GIP: variants seen among roughly 807,000 people sequenced by gnomAD.
GIP encodes glucose-dependent insulinotropic polypeptide.
In GIP, 16 loss-of-function variants were observed where a neutral mutation model predicts 18.1. That is an observed-to-expected ratio of 0.88 (90% confidence interval 0.60 to 1.34). The LOEUF (loss-of-function observed/expected upper bound fraction) is 1.34. Ranked by LOEUF, GIP falls within the 40% of genes most tolerant of loss-of-function variation. The pLI is 0.00. For synonymous variants in GIP, 76 were observed against 74.0 expected, an observed-to-expected ratio of 1.03 and a Z score of -0.14; for missense variants, 192 against 183.4, an observed-to-expected ratio of 1.05 and a Z score of -0.27.
At chr17:48,958,923 C>T (rs1448913656) in intron 5 of GIP, among the ~76,000 whole-genome samples, 3 of 149,976 alleles carry the variant, frequency 2.0e-5, no homozygotes, top group Non-Finnish European at 4.4e-5. Context: ...GGCGCGATCT[C>T]GGCTCACCGC....
intron 3 of GIP, among the ~76,000 whole-genome samples, 159 bp downstream of exon 3, chr17:48,964,151 C>G (rs1293516548): frequency 8.3e-6 from 1 of 120,868 alleles, no homozygotes; most frequent in Non-Finnish European, 1.7e-5. Flanking sequence ...AAGAGTGAGA[C>G]TCCATCTCAA....
At chr17:48,962,463 G>A (rs547151813) in intron 3 of GIP, among the ~76,000 whole-genome samples, 1 of 151,824 alleles carries the variant, frequency 6.6e-6, no homozygotes, top group South Asian at 2.1e-4. Context: ...CCGCCTCCAG[G>A]GTTCAAGCAA....
chr17:48,961,904 A>C, intron 3 of GIP, 85 bp from the exon 4 acceptor site: 1 of 915,132 alleles, frequency 1.1e-6, no homozygotes, highest in Non-Finnish European at 1.7e-6. Context: ...TGAACCCCAA[A>C]AGCAGAGGGT....
intron 3 of GIP, among the ~76,000 whole-genome samples, chr17:48,964,014 G>T (rs2041217364): frequency 6.7e-6 from 1 of 148,712 alleles, no homozygotes; most frequent in Non-Finnish European, 1.5e-5. Context: ...AAAAAAATTA[G>T]CCGGGCATGG....
In GIP at chr17:48,964,469, G is replaced by A. The variant is rs779990019; in HGVS notation, c.98C>T (p.Ser33Phe). The A allele has an allele frequency of 4.0e-5, 64 of 1,613,886 alleles. No individual in the cohort carries two copies. The highest frequency in any genetic ancestry group is 5.3e-5 in the Non-Finnish European group (62 of 1,179,922). ...CTTAGCATGAGATCCAACAGGCAGGGAGGGGAGAGCGCTGGAAACAAGGGT... is the reference window on the plus strand; with the variant it reads ...CTTAGCATGAGATCCAACAGGCAGGAAGGGGAGAGCGCTGGAAACAAGGGT... Reference protein sequence around the residue: ...KKEGHFSALPSLPVGSHAKVS... With the variant: ...KKEGHFSALPFLPVGSHAKVS... The change falls in exon 3 of 6, where the codon TCC (serine) becomes TTC (phenylalanine). Residue 33 changes from serine (S) to phenylalanine (F), a missense_variant. Transcript: ENST00000357424.
At chr17:48,964,159 CAAAAA>C (rs11380752) in intron 3 of GIP, 146 bp downstream of exon 3, 986 of 356,512 alleles carry the variant, frequency 2.8e-3, no homozygotes, top group South Asian at 4.6e-3. Context: ...GACTCCATCT[CAAAAA>C]AAAAAAAAAA....
chr17:48,958,826 T>A, intron 5 of GIP, 110 bp from the exon 6 acceptor site: 2 of 689,188 alleles, frequency 2.9e-6, no homozygotes, highest in Non-Finnish European at 4.9e-6. Flanking sequence ...TCAAATCACC[T>A]TTTTAAATAT....
At chr17:48,968,123 C>G (rs184893003) in intron 1 of GIP, among the ~76,000 whole-genome samples, 1 of 151,974 alleles carries the variant, frequency 6.6e-6, no homozygotes, top group Non-Finnish European at 1.5e-5. Context: ...GACAGGGTTT[C>G]GCTCTGTCAC....
intron 1 of GIP, 100 bp from the exon 2 acceptor site, chr17:48,967,353 CT>C: frequency 1.5e-6 from 1 of 663,552 alleles, no homozygotes. Context: ...CTTTCTTTTC[CT>C]TTTTCTTTTT....
At chr17:48,966,559 C>G (rs1021653703) in intron 2 of GIP, among the ~76,000 whole-genome samples, 7 of 150,500 alleles carry the variant, frequency 4.7e-5, no homozygotes, top group African/African-American at 9.8e-5. Flanking sequence ...TCCATCCCCC[C>G]CCAAAAAAAA....
chr17:48,962,124 C>T (rs1222969757), intron 3 of GIP, among the ~76,000 whole-genome samples: 4 of 152,150 alleles, frequency 2.6e-5, no homozygotes, highest in African/African-American at 4.8e-5. Flanking sequence ...GGCTGGAGTG[C>T]AGGGGCACCA....
intron 2 of GIP, among the ~76,000 whole-genome samples, chr17:48,966,826 A>C (rs923170256): frequency 5.3e-5 from 8 of 152,252 alleles, no homozygotes; most frequent in African/African-American, 1.9e-4. Flanking sequence ...AAAAGAAAAA[A>C]AGAAAAGAAA....
chr17:48,964,318 C>T lies in GIP; in HGVS notation c.249G>A (p.Lys83=). The T allele has an allele frequency of 6.2e-7, 1 of 1,613,422 alleles. No homozygotes were observed. The change falls in exon 3 of 6, where the codon AAG becomes AAA. Residue 83 remains lysine, a synonymous_variant. Coordinates refer to ENST00000357424, the MANE Select transcript of GIP (RefSeq NM_004123.3). ...TGTAAGCAGCGACTCACTCATTCTT[C>T]TTCCCCTTTTGGGCCAGCAGCCAGT... is the stretch of plus-strand genomic sequence containing the variant. ...FVNWLLAQKG[K]KNDWKHNITQ...
intron 2 of GIP, among the ~76,000 whole-genome samples, chr17:48,966,255 TAAAA>T (rs35523625): frequency 8.1e-6 from 1 of 123,344 alleles, no homozygotes; most frequent in Non-Finnish European, 1.7e-5. Context: ...AGACTCCAAT[TAAAA>T]AAAAAAAAAA....
At chr17:48,966,112 G>T (rs1433985437) in intron 2 of GIP, among the ~76,000 whole-genome samples, 1 of 152,058 alleles carries the variant, frequency 6.6e-6, no homozygotes, top group Non-Finnish European at 1.5e-5. Flanking sequence ...ACAAAAGTTA[G>T]CCGGGCGTGG....
intron 3 of GIP, among the ~76,000 whole-genome samples, chr17:48,963,350 C>T (rs1320482594): frequency 1.3e-5 from 2 of 151,992 alleles, no homozygotes; most frequent in South Asian, 2.1e-4. Flanking sequence ...CATGGAACCC[C>T]GTCTCTACTA....
chr17:48,961,696 C>T (rs754659341), intron 4 of GIP, 31 bp downstream of exon 4: 1 of 1,329,688 alleles, frequency 7.5e-7, no homozygotes, highest in Non-Finnish European at 1.1e-6. Context: ...GGAGGCTTGG[C>T]TCCCTCCCTT....
chr17:48,963,937 G>A (rs1262467293), intron 3 of GIP, among the ~76,000 whole-genome samples: 1 of 148,898 alleles, frequency 6.7e-6, no homozygotes, highest in East Asian at 2.0e-4. Context: ...GGTGGATCAC[G>A]AGGTCAGATC....
intron 3 of GIP, 42 bp downstream of exon 3, chr17:48,964,263 GGCAGA>G (rs1375488551): frequency 6.6e-7 from 1 of 1,521,324 alleles, no homozygotes; most frequent in African/African-American, 1.4e-5. Context: ...AAGGTAGGAA[GGCAGA>G]GCCCGGCACA....
Sources: allele counts gnomAD v4.1 joint callset (sites outside exome capture counted in the v4.1 genomes callset), GRCh38; gene constraint gnomAD v4.1.1; transcripts MANE v1.5; gene names NCBI Gene and HGNC (gene_info 2026-07-23, HGNC 2026-07-21).